NRXN1: variants seen among roughly 807,000 people sequenced by gnomAD.
NRXN1 encodes neurexin-1.
A neutral mutation model predicts 150.9 loss-of-function variants in NRXN1; 39 were observed. That is an observed-to-expected ratio of 0.26 (90% CI 0.20 to 0.34). The LOEUF (loss-of-function observed/expected upper bound fraction) is 0.34. Among genes scored for constraint, NRXN1 ranks in the 10% least tolerant of loss-of-function variants. The probability of loss-of-function intolerance (pLI) is 1.00; values close to 1 mark genes in which losing one functional copy is unlikely to be tolerated. For missense variants in NRXN1, 1,815 were observed against 1,949.9 expected (o/e 0.93, Z 1.30); for synonymous variants, 924 against 757.0 (o/e 1.22, Z -3.62).
rs1303652315 is a variant in NRXN1 at position 49,921,622 on chromosome 2, A to G, written c.*322T>C. On this transcript the variant is annotated 3_prime_UTR_variant, in exon 23 of 23. Transcript: ENST00000401669. ...TTTTTGTGTTGTGCCTTGATGCTGT[A>G]GTACTCCTTTGCTTTATGAATGCGT... The G allele has an allele frequency of 2.1e-5, 6 of 292,638 alleles. No homozygotes were observed. Among genetic ancestry groups the G allele is most frequent in the Non-Finnish European group, 3.9e-5 (6 of 154,808 alleles). The allele number at this position is 292,638 out of a possible 1,614,324, so 18.1% of individuals were successfully genotyped here.
chr2:50,583,911 AT>A (rs1048363877), intron 8 of NRXN1, among the ~76,000 whole-genome samples: 4 of 152,140 alleles, frequency 2.6e-5, no homozygotes, highest in African/African-American at 9.7e-5. Context: ...AAAATCCCTG[AT>A]TTCTATTCCT....
intron 5 of NRXN1, among the ~76,000 whole-genome samples, chr2:50,768,902 C>G (rs139564013): frequency 1.3e-3 from 195 of 151,486 alleles, no homozygotes; most frequent in African/African-American, 4.4e-3. Flanking sequence ...CCACGAACAA[C>G]AACAACAACA....
At chr2:50,115,653 A>G (rs1171903224) in intron 18 of NRXN1, among the ~76,000 whole-genome samples, 4 of 152,036 alleles carry the variant, frequency 2.6e-5, no homozygotes, top group Non-Finnish European at 5.9e-5. Flanking sequence ...GGAAAAGAAA[A>G]AAAATAAAAA....
chr2:50,719,540 G>C (rs1318469914), intron 5 of NRXN1, among the ~76,000 whole-genome samples: 2 of 151,858 alleles, frequency 1.3e-5, no homozygotes, highest in African/African-American at 4.8e-5. Flanking sequence ...GCCATGCATG[G>C]TGGCATACGC....
intron 5 of NRXN1, among the ~76,000 whole-genome samples, chr2:50,715,126 G>T (rs551553849): frequency 1.3e-5 from 2 of 152,194 alleles, no homozygotes; most frequent in South Asian, 2.1e-4. Context: ...TACTCAAAGG[G>T]TACTCTTTCT....
chr2:50,107,791 C>G (rs909532593), intron 18 of NRXN1, among the ~76,000 whole-genome samples: 2 of 151,802 alleles, frequency 1.3e-5, no homozygotes, highest in African/African-American at 4.8e-5. Flanking sequence ...TTCTAATTAT[C>G]AATGACCATT....
At chr2:49,974,168 C>T (rs988658580) in intron 21 of NRXN1, 2 of 711,486 alleles carry the variant, frequency 2.8e-6, no homozygotes, top group East Asian at 2.7e-5. Flanking sequence ...CCTATCAGTG[C>T]CCTGCACACA....
chr2:50,943,131 T>C (rs1310643329), intron 2 of NRXN1, among the ~76,000 whole-genome samples: 1 of 152,054 alleles, frequency 6.6e-6, no homozygotes, highest in African/African-American at 2.4e-5. Context: ...ATGTAAGGCA[T>C]GCCCTACTTC....
chr2:50,905,358 T>A (rs1683520217), intron 5 of NRXN1, among the ~76,000 whole-genome samples: 1 of 152,066 alleles, frequency 6.6e-6, no homozygotes, highest in Non-Finnish European at 1.5e-5. Context: ...AGGAACCTGG[T>A]AAGACACATA....
chr2:50,746,907 AT>A (rs937867831), intron 5 of NRXN1, among the ~76,000 whole-genome samples: 4 of 151,594 alleles, frequency 2.6e-5, no homozygotes, highest in African/African-American at 9.7e-5. Context: ...TTGGAAGCAA[AT>A]TTTTTTTTAA....
At chr2:50,786,018 G>A (rs2105555585) in intron 5 of NRXN1, among the ~76,000 whole-genome samples, 1 of 152,096 alleles carries the variant, frequency 6.6e-6, no homozygotes, top group East Asian at 1.9e-4. Flanking sequence ...CTTTTCACTT[G>A]CACTCTAAAA....
chr2:50,539,163 A>G (rs2093334996), intron 9 of NRXN1, among the ~76,000 whole-genome samples: 1 of 152,202 alleles, frequency 6.6e-6, no homozygotes, highest in African/African-American at 2.4e-5. Flanking sequence ...TGATTAACTT[A>G]CATAGTTTTG....
chr2:50,166,659 C>T (rs755994303), intron 18 of NRXN1, among the ~76,000 whole-genome samples: 1 of 152,104 alleles, frequency 6.6e-6, no homozygotes, highest in Non-Finnish European at 1.5e-5. Flanking sequence ...AAAACTGATA[C>T]AGATGCTAAA....
intron 17 of NRXN1, among the ~76,000 whole-genome samples, chr2:50,331,343 G>C (rs1158970570): frequency 6.6e-6 from 1 of 152,096 alleles, no homozygotes; most frequent in Admixed American, 6.5e-5. Flanking sequence ...TCTTTTCAAA[G>C]GATATTGAGA....
At chr2:50,582,668 G>GA (rs70948720) in intron 8 of NRXN1, among the ~76,000 whole-genome samples, 323 of 139,778 alleles carry the variant, frequency 2.3e-3, no homozygotes, top group Middle Eastern at 3.7e-3. Context: ...GGATCTGCCA[G>GA]AAAAAAAAAA....
At chr2:50,258,991 A>C (rs1000850323) in intron 17 of NRXN1, among the ~76,000 whole-genome samples, 1 of 151,978 alleles carries the variant, frequency 6.6e-6, no homozygotes, top group Admixed American at 6.6e-5. Flanking sequence ...TTGCTGTTTC[A>C]TTTATAGAGC....
At chr2:50,632,096 A>G (rs1401355248) in intron 5 of NRXN1, among the ~76,000 whole-genome samples, 2 of 152,000 alleles carry the variant, frequency 1.3e-5, no homozygotes, top group Non-Finnish European at 2.9e-5. Context: ...AACAGTCCTC[A>G]TTTATGAAAT....
At chr2:50,691,688 C>A (rs1303575800) in intron 5 of NRXN1, among the ~76,000 whole-genome samples, 1 of 152,148 alleles carries the variant, frequency 6.6e-6, no homozygotes, top group Non-Finnish European at 1.5e-5. Flanking sequence ...CACTGGGCAA[C>A]CATCCGTTCC....
rs199517689 is a variant in NRXN1, at chr2:50,346,838, G to A, written c.3365-109868C>T. The A allele has an allele frequency of 6.2e-7, 1 of 1,609,140 alleles. No individual in the cohort carries two copies. Among genetic ancestry groups the A allele is most frequent in the East Asian group, 2.2e-5 (1 of 44,680 alleles). On this transcript the variant is annotated intron_variant, in intron 17 of 22. Coordinates refer to ENST00000401669, the MANE Select transcript of NRXN1 (RefSeq NM_001330078.2). This position sits in a 1 kb window ranked among gnomAD's most constrained non-coding sequence, Gnocchi z 5.0. ...CCTAGGAGGCCGCTGAGGGTGAGCG[G>A]GACTATCCAAAGCAGGGCCAGGCGC...
Sources: allele counts gnomAD v4.1 joint callset (sites outside exome capture counted in the v4.1 genomes callset), GRCh38; gene constraint gnomAD v4.1.1; non-coding constraint Gnocchi (gnomAD v3.1); transcripts MANE v1.5; gene names NCBI Gene and HGNC (gene_info 2026-07-23, HGNC 2026-07-21).